The following STX5 variants were observed in gnomAD, a reference collection of about 807,000 sequenced individuals.
STX5 encodes syntaxin 5.
Under a neutral mutation model 42.9 loss-of-function variants are expected in STX5, and 15 were observed. That is an observed-to-expected ratio of 0.35 (90% CI 0.23 to 0.54). The LOEUF is 0.54. Ranked by LOEUF, STX5 falls within the 20% of genes least tolerant of loss-of-function variation. The pLI, the probability that STX5 is intolerant of heterozygous loss-of-function variation, is 0.91. For missense variants in STX5, 430 were observed against 455.0 expected (o/e 0.95, Z 0.50); for synonymous variants, 184 against 173.2 (o/e 1.06, Z -0.49).
At position 62,815,452 on chromosome 11, in the gene STX5, G is replaced by C. The variant is rs559816806; in HGVS notation, c.909-7824C>G. Reference sequence around the variant, plus strand: ...GGTGTGGTTTTTATTTTTTGAGACAGAGTATCACTCTGTTGTGACACTCAC... The same window carrying C: ...GGTGTGGTTTTTATTTTTTGAGACACAGTATCACTCTGTTGTGACACTCAC... On this transcript the variant is annotated intron_variant, in intron 10 of 10. Transcript: ENST00000294179. 3.0e-5 allele frequency among the ~76,000 whole-genome samples: 4 copies of C among 134,442 alleles called. No homozygotes were observed. In the South Asian group the frequency reaches 9.0e-4, roughly 30 times the overall value. 88.2% of individuals were successfully genotyped at this position (134,442 alleles called of 152,430 possible). A position where few individuals can be genotyped will look rare whatever the true frequency, so the allele number is the denominator to read the frequency against.
chr11:62,830,742 C>T (rs531559111), intron 2 of STX5, among the ~76,000 whole-genome samples: 1 of 152,194 alleles, frequency 6.6e-6, no homozygotes, highest in Non-Finnish European at 1.5e-5. Context: ...CTTATTCACA[C>T]CAATTATATT....
intron 2 of STX5, 135 bp from the exon 3 acceptor site, chr11:62,827,766 A>G: frequency 1.2e-6 from 1 of 842,646 alleles, no homozygotes. Context: ...TATGAGTGGT[A>G]GTCGTTTAGA....
chr11:62,831,790 A>G (rs2084870826), intron 1 of STX5, among the ~76,000 whole-genome samples, 164 bp downstream of exon 1: 2 of 147,858 alleles, frequency 1.4e-5, no homozygotes, highest in Non-Finnish European at 1.5e-5. Flanking sequence ...CTCTCAACAG[A>G]GGCTTTCCTG....
chr11:62,831,142 G>A lies in STX5; in HGVS notation c.102C>T (p.Ser34=), dbSNP rs1267998261. 6.4e-7 allele frequency: 1 copy of A among 1,558,042 alleles called. No homozygotes were observed. Residue 34 remains serine, a synonymous_variant, in exon 2 of 11, where the codon AGC becomes AGT. Transcript: ENST00000294179. ...GGGGCAGAGGGGCGATGTCGCTGCTGCTACTGCCAGCAGTTGCAGGGGACA... is the reference window on the plus strand; with the variant it reads ...GGGGCAGAGGGGCGATGTCGCTGCTACTACTGCCAGCAGTTGCAGGGGACA... ...QVLSPATAGS[S]SSDIAPLPPP... is the part of the protein sequence containing the mutation.
At chr11:62,823,937 T>A in intron 10 of STX5, 1 of 582,636 alleles carries the variant, frequency 1.7e-6, no homozygotes, top group Non-Finnish European at 3.0e-6. Context: ...CCAGACAGAC[T>A]TTACTGTTCT....
At chr11:62,830,841 C>T (rs1025878948) in intron 2 of STX5, among the ~76,000 whole-genome samples, 178 bp downstream of exon 2, 6 of 152,168 alleles carry the variant, frequency 3.9e-5, no homozygotes, top group Admixed American at 1.3e-4. Flanking sequence ...AAGTCCTTGC[C>T]CCTAGTTAGC....
At chr11:62,828,777 A>T (rs1439881799) in intron 2 of STX5, among the ~76,000 whole-genome samples, 3 of 151,576 alleles carry the variant, frequency 2.0e-5, no homozygotes, top group African/African-American at 7.3e-5. Context: ...AAATAAATAC[A>T]GTTACTTGGC....
At position 62,813,611 on chromosome 11, in the gene STX5, G is replaced by A. The variant is rs1049102203; in HGVS notation, c.909-5983C>T. On this transcript the variant is annotated intron_variant, in intron 10 of 10. Transcript: ENST00000294179. ...TGTAGGTGTTCACTCAGTTTCACAT[G>A]ATCAACAACGTAGAGTAAAAGCACT... Among the ~76,000 whole-genome samples, 3 of 152,274 alleles carry A rather than the reference G, an allele frequency of 2.0e-5. No individual in the cohort carries two copies. In the South Asian group the frequency reaches 6.2e-4, roughly 32 times the overall value.
At chr11:62,812,411 TATA>T (rs1432813168) in intron 10 of STX5, among the ~76,000 whole-genome samples, 1 of 151,820 alleles carries the variant, frequency 6.6e-6, no homozygotes, top group Non-Finnish European at 1.5e-5. Flanking sequence ...TCACTGACTC[TATA>T]ATATTCTTTT....
chr11:62,812,073 C>CTTTTTTT (rs1192177705), intron 10 of STX5, among the ~76,000 whole-genome samples: 1 of 113,790 alleles, frequency 8.8e-6, no homozygotes, highest in Non-Finnish European at 1.8e-5. Flanking sequence ...ACTCAAATAC[C>CTTTTTTT]TTTTTTTTTT....
chr11:62,809,183 G>A (rs987734752), intron 10 of STX5, among the ~76,000 whole-genome samples: 3 of 151,442 alleles, frequency 2.0e-5, no homozygotes, highest in Non-Finnish European at 4.4e-5. Flanking sequence ...GGCTATTCGG[G>A]AGGCTGAGGC....
At chr11:62,811,619 C>T (rs1393522177) in intron 10 of STX5, among the ~76,000 whole-genome samples, 1 of 152,020 alleles carries the variant, frequency 6.6e-6, no homozygotes, top group East Asian at 1.9e-4. Flanking sequence ...GCCCCTTGGC[C>T]CCATCTAGGA....
At position 62,824,470 on chromosome 11, in the gene STX5, T is replaced by C; in HGVS notation, c.775A>G (p.Ile259Val). ...DSRTSQQLQLIDEQDSYIQSR... is the reference protein window; with the variant it reads ...DSRTSQQLQLVDEQDSYIQSR... ...CAGAGCCTGGGTACCTGCTCGTCAA[T>C]GAGCTGCAGCTGCTGGCTGGTCCGA... The change falls in exon 9 of 11, where the codon ATT becomes GTT. Residue 259 changes from isoleucine to valine, a missense_variant. By Grantham distance (29) the Ile-to-Val change is conservative. Transcript: ENST00000294179. 1 of 1,614,176 alleles carries C rather than the reference T, an allele frequency of 6.2e-7. No individual in the cohort carries two copies. Among genetic ancestry groups the C allele is most frequent in the Non-Finnish European group, 8.5e-7 (1 of 1,180,038 alleles).
intron 5 of STX5, among the ~76,000 whole-genome samples, chr11:62,826,368 A>T (rs1407960221): frequency 1.4e-5 from 2 of 141,294 alleles, no homozygotes; most frequent in African/African-American, 5.3e-5. Context: ...GACCAGCCTG[A>T]CCAACGTGGA....
chr11:62,810,538 T>A (rs2084606842), intron 10 of STX5, among the ~76,000 whole-genome samples: 1 of 152,210 alleles, frequency 6.6e-6, no homozygotes, highest in South Asian at 2.1e-4. Context: ...CCAACTTTTC[T>A]GTAGTTTGAA....
chr11:62,826,938 C>A (rs1421539239), intron 5 of STX5, among the ~76,000 whole-genome samples: 2 of 151,446 alleles, frequency 1.3e-5, no homozygotes, highest in Non-Finnish European at 2.9e-5. Flanking sequence ...GTAGTCTCTA[C>A]CACTCAGGAG....
chr11:62,808,850 G>A (rs956473294), intron 10 of STX5, among the ~76,000 whole-genome samples: 2 of 152,100 alleles, frequency 1.3e-5, no homozygotes, highest in Non-Finnish European at 2.9e-5. Flanking sequence ...TTTAATCAGT[G>A]TTAGATTTAA....
chr11:62,813,709 G>C (rs1330707719), intron 10 of STX5, among the ~76,000 whole-genome samples: 1 of 152,178 alleles, frequency 6.6e-6, no homozygotes, highest in East Asian at 1.9e-4. Context: ...AAGTGGGCAG[G>C]AGTGGATTCC....
intron 10 of STX5, among the ~76,000 whole-genome samples, chr11:62,813,169 G>A (rs891037708): frequency 6.6e-6 from 1 of 151,788 alleles, no homozygotes; most frequent in African/African-American, 2.4e-5. Context: ...AGCTACTCGG[G>A]AGGCTGAGGC....
Sources: allele counts gnomAD v4.1 joint callset (sites outside exome capture counted in the v4.1 genomes callset), GRCh38; gene constraint gnomAD v4.1.1; transcripts MANE v1.5; gene names NCBI Gene and HGNC (gene_info 2026-07-23, HGNC 2026-07-21).